The following CELF5 variants were observed in gnomAD, a reference collection of about 807,000 sequenced individuals.
CELF5 encodes CUG-BP and ETR-3 like factor 5.
CELF5 carries 6 observed loss-of-function variants against 54.9 expected under a neutral mutation model. The observed-to-expected ratio is 0.11, with a 90% CI of 0.06 to 0.22. The LOEUF is 0.22. Ranked by LOEUF, CELF5 falls within the 10% of genes least tolerant of loss-of-function variation. The pLI is 1.00. For missense variants in CELF5, 401 were observed against 678.6 expected (o/e 0.59, Z 4.54); for synonymous variants, 271 against 290.9 (o/e 0.93, Z 0.70).
chr19:3,227,206 G>T (rs566674955), intron 1 of CELF5, among the ~76,000 whole-genome samples: 77 of 152,196 alleles, frequency 5.1e-4, no homozygotes, highest in Non-Finnish European at 9.4e-4. Context: ...ACGAAGGGGT[G>T]GGGGGGTGTC....
intron 1 of CELF5, among the ~76,000 whole-genome samples, chr19:3,236,925 A>G (rs28475259): frequency 0.16 from 23,708 of 149,310 alleles, 2,141 homozygotes; most frequent in East Asian, 0.25. Context: ...GGAGGCGGAG[A>G]TTGCAGTGAG....
intron 1 of CELF5, among the ~76,000 whole-genome samples, chr19:3,227,880 T>C (rs1048243118): frequency 3.3e-5 from 5 of 151,174 alleles, no homozygotes; most frequent in Middle Eastern, 3.4e-3. Flanking sequence ...AAGCCAAGAG[T>C]GAGGCCCCCA....
intron 9 of CELF5, 47 bp downstream of exon 9, chr19:3,285,011 G>GC: frequency 2.1e-6 from 3 of 1,408,550 alleles, no homozygotes; most frequent in Non-Finnish European, 2.9e-6. Flanking sequence ...CCCCGCCCCC[G>GC]CCTAGGGCCC....
rs2080383833 is a variant in CELF5, at chr19:3,293,435, C to T, written c.1447C>T (p.His483Tyr). 6.2e-7 allele frequency: 1 copy of T among 1,614,080 alleles called. No homozygotes were observed. The highest frequency in any genetic ancestry group is 1.1e-5 in the South Asian group (1 of 91,086). ...VQLKRPKDPG[H>Y]PY ...GCTGAAGCGGCCCAAAGACCCGGGACACCCCTACTGACCGCGCCCACAGCC... is the reference window on the plus strand; with the variant it reads ...GCTGAAGCGGCCCAAAGACCCGGGATACCCCTACTGACCGCGCCCACAGCC... Residue 483 changes from histidine (H) to tyrosine (Y), a missense_variant, in exon 12 of 13, where the codon CAC becomes TAC. His to Tyr is a moderately conservative substitution (Grantham distance 83, BLOSUM62 2). Around this residue, in one of 6 missense-constraint regions of CELF5, gnomAD observed 59 missense variants for 128.8 expected, o/e 0.46. Coordinates refer to ENST00000292672, the MANE Select transcript of CELF5 (RefSeq NM_021938.4).
intron 1 of CELF5, among the ~76,000 whole-genome samples, chr19:3,230,453 G>A (rs573655156): frequency 5.9e-5 from 9 of 152,360 alleles, no homozygotes; most frequent in Middle Eastern, 3.4e-3. Flanking sequence ...GATATAGGGA[G>A]AGGGAACTGG....
At chr19:3,288,425 G>A (rs2080288661) in intron 10 of CELF5, among the ~76,000 whole-genome samples, 1 of 151,990 alleles carries the variant, frequency 6.6e-6, no homozygotes, top group Non-Finnish European at 1.5e-5. Context: ...AGGAGGCTGA[G>A]GCAGGAGAAT....
chr19:3,290,993 G>GC (rs1275867581), intron 11 of CELF5, among the ~76,000 whole-genome samples: 3 of 151,844 alleles, frequency 2.0e-5, no homozygotes, highest in Admixed American at 6.6e-5. Flanking sequence ...GAGCTTAGTG[G>GC]CGTGTGCCTG....
At position 3,249,241 on chromosome 19, in the gene CELF5, C is replaced by T. The variant is rs141863806; in HGVS notation, c.260-1744C>T. Among the ~76,000 whole-genome samples, 780 of 152,230 alleles carry T rather than the reference C, an allele frequency of 5.1e-3. 4 individuals carry two copies. Among genetic ancestry groups the T allele is most frequent in the Middle Eastern group, 0.027 (8 of 294 alleles). ...GGAGCAGCCCACGATGGTCTCATTT[C>T]ACAGGTCCCCAGACAGGACCACTCA... On this transcript the variant is annotated intron_variant, in intron 1 of 12. Coordinates refer to ENST00000292672, the MANE Select transcript of CELF5 (RefSeq NM_021938.4).
intron 11 of CELF5, among the ~76,000 whole-genome samples, chr19:3,292,979 C>A (rs1482132221): frequency 1.3e-5 from 2 of 152,134 alleles, no homozygotes; most frequent in South Asian, 4.1e-4. Context: ...GGACAGAGGG[C>A]TTGGAAGGAG....
chr19:3,270,460 G>T (rs1599449519), intron 2 of CELF5, among the ~76,000 whole-genome samples: 1 of 151,552 alleles, frequency 6.6e-6, no homozygotes, highest in Admixed American at 6.6e-5. Flanking sequence ...GGAGGGGTGG[G>T]GTGTGGGGAG....
chr19:3,248,859 TTCCTTC>T (rs1568337715), intron 1 of CELF5, among the ~76,000 whole-genome samples: 5 of 72,434 alleles, frequency 6.9e-5, no homozygotes, highest in East Asian at 6.9e-4. Context: ...TCTTTCTTCC[TTCCTTC>T]CTTCCTTCCT....
In CELF5 at chr19:3,224,705, G is replaced by A; in HGVS notation, c.-35G>A. The A allele has an allele frequency of 1.0e-6, 1 of 970,314 alleles. No homozygotes were observed. The highest frequency in any genetic ancestry group is 1.2e-6 in the Non-Finnish European group (1 of 810,792). 60.1% of individuals were successfully genotyped at this position (970,314 alleles called of 1,614,324 possible). A position where few individuals can be genotyped will look rare whatever the true frequency, so the allele number is the denominator to read the frequency against. ...CCAGCTGCGAGTCCGCCCGCCGCCC[G>A]CCGCCGCCGCCGCCGGCTCGGTCCC... is the stretch of plus-strand genomic sequence containing the variant. On this transcript the variant is annotated 5_prime_UTR_variant, in exon 1 of 13. Coordinates refer to ENST00000292672, the MANE Select transcript of CELF5 (RefSeq NM_021938.4).
At chr19:3,286,846 A>C (rs1221991819) in intron 10 of CELF5, 3 of 151,868 alleles carry the variant, frequency 2.0e-5, no homozygotes, top group South Asian at 2.1e-4. Context: ...CATCCTGGCT[A>C]ACACGGGGAA....
chr19:3,282,306 G>T lies in CELF5; in HGVS notation c.892+39G>T. The T allele has an allele frequency of 1.1e-5, 18 of 1,608,758 alleles. No individual in the cohort carries two copies. The highest frequency in any genetic ancestry group is 1.4e-5 in the Non-Finnish European group (16 of 1,179,864). ...AGGCACCCAAGGATGGGTGGGCAGGGCTGGAGCCAGAACTGGCCTCCCCAT... is the reference window on the plus strand; with the variant it reads ...AGGCACCCAAGGATGGGTGGGCAGGTCTGGAGCCAGAACTGGCCTCCCCAT... On this transcript the variant is annotated intron_variant, in intron 7 of 12. Coordinates refer to ENST00000292672, the MANE Select transcript of CELF5 (RefSeq NM_021938.4). This position sits in a 1 kb window ranked among gnomAD's most constrained non-coding sequence, Gnocchi z 5.2.
chr19:3,238,338 C>A (rs2079445710), intron 1 of CELF5, among the ~76,000 whole-genome samples: 1 of 146,856 alleles, frequency 6.8e-6, no homozygotes, highest in Non-Finnish European at 1.5e-5. Flanking sequence ...CCGCAGGGCC[C>A]AAACCAGGGT....
chr19:3,225,797 G>A (rs1176714685), intron 1 of CELF5, among the ~76,000 whole-genome samples: 1 of 150,160 alleles, frequency 6.7e-6, no homozygotes, highest in East Asian at 2.0e-4. Context: ...TCCACCTTGG[G>A]CTCAAGTTGA....
chr19:3,270,387 G>A (rs1220734382), intron 2 of CELF5, among the ~76,000 whole-genome samples: 2 of 152,032 alleles, frequency 1.3e-5, no homozygotes, highest in Non-Finnish European at 2.9e-5. Context: ...ACCTCGGTGG[G>A]ACAGATGGAG....
At chr19:3,244,649 C>T (rs2079538087) in intron 1 of CELF5, among the ~76,000 whole-genome samples, 2 of 140,256 alleles carry the variant, frequency 1.4e-5, no homozygotes, top group Admixed American at 1.5e-4. Flanking sequence ...GTGTATGTAT[C>T]TGTGTGCATA....
intron 1 of CELF5, among the ~76,000 whole-genome samples, chr19:3,231,334 A>G (rs1386176862): frequency 6.6e-6 from 1 of 152,232 alleles, no homozygotes; most frequent in East Asian, 1.9e-4. Flanking sequence ...CAATGGATAC[A>G]GACATGGATG....
Sources: allele counts gnomAD v4.1 joint callset (sites outside exome capture counted in the v4.1 genomes callset), GRCh38; gene constraint gnomAD v4.1.1; regional missense constraint gnomAD v4.1.1; non-coding constraint Gnocchi (gnomAD v3.1); transcripts MANE v1.5; gene names NCBI Gene and HGNC (gene_info 2026-07-23, HGNC 2026-07-21).